UEVLD: variants seen among roughly 807,000 people sequenced by gnomAD.
UEVLD encodes the protein UEV and lactate/malate dehyrogenase domains, also known as ubiquitin-conjugating enzyme E2 variant 3.
UEVLD carries 47 observed loss-of-function variants against 58.6 expected under a neutral mutation model. The ratio of observed to expected loss-of-function variants is 0.80; its 90% CI spans 0.63 to 1.02. The LOEUF (loss-of-function observed/expected upper bound fraction) is 1.02, where lower values mean the gene tolerates loss of function less well. UEVLD is among the 50% of genes least tolerant of loss of function. The pLI, the probability that UEVLD is intolerant of heterozygous loss-of-function variation, is 0.00. For missense variants in UEVLD, 510 were observed against 550.6 expected (o/e 0.93, Z 0.74); for synonymous variants, 197 against 195.3 (o/e 1.01, Z -0.07).
At chr11:18,551,293 C>A (rs934222596) in intron 7 of UEVLD, among the ~76,000 whole-genome samples, 3 of 151,832 alleles carry the variant, frequency 2.0e-5, no homozygotes, top group Admixed American at 6.6e-5. Flanking sequence ...CGTGGTGACA[C>A]GTGCCTGTAA....
At chr11:18,572,511 AAAGGCAGAC>A (rs1425464594) in intron 3 of UEVLD, among the ~76,000 whole-genome samples, 1 of 152,228 alleles carries the variant, frequency 6.6e-6, no homozygotes, top group Non-Finnish European at 1.5e-5. Context: ...AGAGAGTAAT[AAAGGCAGAC>A]AAGGCTGGGC....
At chr11:18,566,567 G>T in intron 4 of UEVLD, 85 bp from the exon 5 acceptor site, 1 of 1,444,208 alleles carries the variant, frequency 6.9e-7, no homozygotes, top group Non-Finnish European at 9.3e-7. Context: ...TATTACTTGA[G>T]CCCAGGAGTT....
At chr11:18,534,215 A>G (rs1411453327) in intron 11 of UEVLD, 115 bp downstream of exon 11, 2 of 767,842 alleles carry the variant, frequency 2.6e-6, no homozygotes, top group Admixed American at 8.4e-5. Context: ...CTGTTACTCT[A>G]AAAGCTGGTG....
At chr11:18,584,320 C>T (rs1853424306) in intron 1 of UEVLD, among the ~76,000 whole-genome samples, 1 of 152,088 alleles carries the variant, frequency 6.6e-6, no homozygotes, top group African/African-American at 2.4e-5. Flanking sequence ...GAGTTTGAGG[C>T]TGCAGTAAGC....
chr11:18,536,296 T>G, intron 10 of UEVLD, 110 bp downstream of exon 10: 3 of 978,790 alleles, frequency 3.1e-6, no homozygotes, highest in Non-Finnish European at 4.8e-6. Flanking sequence ...GGTTTGTCCA[T>G]ATTAGTTTTG....
At chr11:18,546,485 T>C (rs10741745) in intron 8 of UEVLD, among the ~76,000 whole-genome samples, 51,908 of 148,608 alleles carry the variant, frequency 0.35, 10,044 homozygotes, top group Non-Finnish European at 0.45. Flanking sequence ...TTTTTTTGTT[T>C]TGTTTTTTAT....
chr11:18,557,300 C>T (rs531473311), intron 7 of UEVLD, among the ~76,000 whole-genome samples: 5 of 150,858 alleles, frequency 3.3e-5, no homozygotes, highest in South Asian at 2.1e-4. Context: ...TACAGGTGCC[C>T]GCCACCATGC....
At chr11:18,566,106 C>T (rs1852285074) in intron 5 of UEVLD, among the ~76,000 whole-genome samples, 2 of 151,900 alleles carry the variant, frequency 1.3e-5, no homozygotes, top group African/African-American at 4.8e-5. Context: ...ACCATGTTGG[C>T]CAAGCTGGTC....
chr11:18,541,187 A>C (rs1341800531), intron 9 of UEVLD, among the ~76,000 whole-genome samples: 2 of 152,220 alleles, frequency 1.3e-5, no homozygotes, highest in African/African-American at 2.4e-5. Flanking sequence ...TTACTCATTC[A>C]ATATTTATTG....
At chr11:18,564,551 T>C (rs1852201118) in intron 6 of UEVLD, among the ~76,000 whole-genome samples, 2 of 151,602 alleles carry the variant, frequency 1.3e-5, no homozygotes. Context: ...AAAAAGCCAA[T>C]TTTAGAAAGA....
intron 10 of UEVLD, 35 bp from the exon 11 acceptor site, chr11:18,534,488 A>G: frequency 6.5e-7 from 1 of 1,546,940 alleles, no homozygotes; most frequent in South Asian, 1.3e-5. Flanking sequence ...CAGAAAATGC[A>G]TAAAATATGC....
rs1465375736 is a variant in UEVLD, at chr11:18,557,355, T to C, written c.715+873A>G. 2.0e-5 allele frequency among the ~76,000 whole-genome samples: 3 copies of C among 151,930 alleles called. No homozygotes were observed. The South Asian group carries it at 6.2e-4, about 32-fold the overall frequency. ...TTTTAGTAGAGATGGGGTTTCACCA[T>C]GTTTGCCAGGATGGTCTCGATTTCC... On this transcript the variant is annotated intron_variant, in intron 7 of 11. Coordinates refer to ENST00000396197, the MANE Select transcript of UEVLD (RefSeq NM_001040697.4).
intron 4 of UEVLD, among the ~76,000 whole-genome samples, chr11:18,568,749 C>G (rs1239034810): frequency 6.6e-6 from 1 of 151,948 alleles, no homozygotes; most frequent in African/African-American, 2.4e-5. Context: ...AACCATAAAA[C>G]AAAGTAAAAT....
chr11:18,549,784 G>T (rs1000117978), intron 7 of UEVLD, among the ~76,000 whole-genome samples: 1 of 151,542 alleles, frequency 6.6e-6, no homozygotes, highest in Non-Finnish European at 1.5e-5. Context: ...TCAAGCTCTC[G>T]GGCCTTTTAA....
intron 8 of UEVLD, among the ~76,000 whole-genome samples, chr11:18,545,436 T>A (rs1565113957): frequency 6.6e-6 from 1 of 150,468 alleles, no homozygotes; most frequent in East Asian, 2.0e-4. Context: ...TTTTACTGTG[T>A]TTTGTTTGTT....
intron 6 of UEVLD, chr11:18,563,653 G>A (rs188044996): frequency 3.1e-6 from 3 of 978,546 alleles, no homozygotes; most frequent in Admixed American, 6.1e-5. Context: ...AACTTGAAAT[G>A]TTTATAGAAG....
At chr11:18,583,099 T>C (rs1565146047) in intron 1 of UEVLD, among the ~76,000 whole-genome samples, 1 of 151,862 alleles carries the variant, frequency 6.6e-6, no homozygotes, top group Non-Finnish European at 1.5e-5. Context: ...ATTTTTTGTA[T>C]CTTTAGTAGA....
intron 4 of UEVLD, among the ~76,000 whole-genome samples, chr11:18,567,393 T>A (rs1852351003): frequency 6.6e-6 from 1 of 152,180 alleles, no homozygotes; most frequent in Non-Finnish European, 1.5e-5. Context: ...TATTTAGTAG[T>A]ATGCTCATTT....
intron 9 of UEVLD, among the ~76,000 whole-genome samples, chr11:18,536,935 G>A (rs916757979): frequency 3.7e-5 from 5 of 134,914 alleles, no homozygotes; most frequent in African/African-American, 5.5e-5. Flanking sequence ...TTGCTCTGTC[G>A]CCCAGGCTGT....
Sources: gnomAD v4.1 joint callset for allele counts (sites outside exome capture counted in the v4.1 genomes callset) on GRCh38, gnomAD v4.1.1 for gene constraint, MANE v1.5 for transcripts, NCBI Gene and HGNC (gene_info 2026-07-23, HGNC 2026-07-21) for gene names.